Variants in MAMLD1 observed in about 807,000 individuals in gnomAD.
The protein encoded by MAMLD1 is mastermind like domain containing 1.
In MAMLD1, 14 loss-of-function variants were observed where a neutral mutation model predicts 45.0. That is an observed-to-expected ratio of 0.31 (90% CI 0.21 to 0.49). The LOEUF (loss-of-function observed/expected upper bound fraction) is 0.49, where lower values mean the gene tolerates loss of function less well. Ranked by LOEUF, MAMLD1 falls within the 20% of genes least tolerant of loss-of-function variation. MAMLD1 has a pLI of 0.99. For synonymous variants in MAMLD1, 254 were observed against 247.8 expected (o/e 1.02, Z -0.24); for missense variants, 543 against 603.6 (o/e 0.90, Z 1.05).
chrX:150,465,066 C>T (rs2036175327), intron 3 of MAMLD1, among the ~76,000 whole-genome samples: 1 of 112,010 alleles, frequency 8.9e-6, no homozygotes, highest in Non-Finnish European at 1.9e-5. Context: ...GTTTATCTTT[C>T]CTGGTTACCT....
intron 5 of MAMLD1, among the ~76,000 whole-genome samples, chrX:150,480,895 AG>A (rs1386105152): frequency 1.2e-4 from 14 of 112,546 alleles, no homozygotes; most frequent in Admixed American, 5.6e-4. Flanking sequence ...GGGAGCTTTC[AG>A]TTTGCAGCTA....
chrX:150,488,880 C>T (rs1476931207), intron 5 of MAMLD1, among the ~76,000 whole-genome samples: 3 of 113,000 alleles, frequency 2.7e-5, no homozygotes, highest in African/African-American at 9.6e-5. Context: ...ACCTTCTCTA[C>T]AGAAACGAGC....
At chrX:150,383,542 A>G (rs1003610962) in intron 1 of MAMLD1, among the ~76,000 whole-genome samples, 28 of 111,443 alleles carry the variant, frequency 2.5e-4, no homozygotes, top group Non-Finnish European at 4.2e-4. Flanking sequence ...TATATTAAAT[A>G]TCTAAGTATT....
intron 5 of MAMLD1, among the ~76,000 whole-genome samples, chrX:150,477,630 G>T (rs1048560272): frequency 8.9e-6 from 1 of 111,899 alleles, no homozygotes; most frequent in Admixed American, 9.4e-5. Flanking sequence ...CCTGACCGTG[G>T]GTAGGGGAGA....
At chrX:150,384,944 C>T (rs782097648) in intron 1 of MAMLD1, among the ~76,000 whole-genome samples, 1 of 110,970 alleles carries the variant, frequency 9.0e-6, no homozygotes, top group East Asian at 2.8e-4. Flanking sequence ...GGTGAGGACA[C>T]TTAAAATCTG....
At chrX:150,505,415 C>T (rs1207218844) in intron 6 of MAMLD1, among the ~76,000 whole-genome samples, 1 of 112,153 alleles carries the variant, frequency 8.9e-6, no homozygotes, top group Non-Finnish European at 1.9e-5. Flanking sequence ...TAGAGACACA[C>T]GGTGTTATCC....
intron 1 of MAMLD1, among the ~76,000 whole-genome samples, chrX:150,364,223 G>C (rs1023093816): frequency 1.8e-5 from 2 of 112,823 alleles, no homozygotes; most frequent in Non-Finnish European, 3.8e-5. Context: ...CTGGGCGCCC[G>C]GCGCCGGCTA....
At chrX:150,492,324 G>T (rs1254109355) in intron 5 of MAMLD1, among the ~76,000 whole-genome samples, 1 of 112,825 alleles carries the variant, frequency 8.9e-6, no homozygotes, top group Non-Finnish European at 1.9e-5. Context: ...TCTGCATGTT[G>T]AACTCAGAAA....
At chrX:150,374,172 T>C (rs782567161) in intron 1 of MAMLD1, among the ~76,000 whole-genome samples, 30 of 112,868 alleles carry the variant, frequency 2.7e-4, no homozygotes, top group Admixed American at 2.4e-3. Flanking sequence ...AATTGAAAAA[T>C]AACACGCAAT....
chrX:150,457,053 G>T (rs1417899957), intron 2 of MAMLD1, among the ~76,000 whole-genome samples: 3 of 112,938 alleles, frequency 2.7e-5, no homozygotes, highest in African/African-American at 6.4e-5. Flanking sequence ...ACCAAGCACT[G>T]TCCAGGTTGC....
intron 5 of MAMLD1, among the ~76,000 whole-genome samples, chrX:150,480,382 A>G (rs1557407108): frequency 8.9e-6 from 1 of 112,470 alleles, no homozygotes; most frequent in Non-Finnish European, 1.9e-5. Context: ...TATTTTGCCT[A>G]CAATGACAAA....
At chrX:150,396,149 ATTTTTTTT>A (rs151164752) in intron 1 of MAMLD1, among the ~76,000 whole-genome samples, 4 of 39,257 alleles carry the variant, frequency 1.0e-4, no homozygotes, top group Admixed American at 6.6e-4. Context: ...TACCTGGCTA[ATTTTTTTT>A]TTTTTTTTTT....
At position 150,512,531 on chromosome X, in the gene MAMLD1, C is replaced by T; in HGVS notation, c.*572C>T. 1 of 1,155,933 alleles carries T rather than the reference C, an allele frequency of 8.7e-7. No individual in the cohort carries two copies. Among genetic ancestry groups the T allele is most frequent in the Non-Finnish European group, 1.1e-6 (1 of 872,609 alleles). On this transcript the variant is annotated 3_prime_UTR_variant, in exon 8 of 8. Transcript: ENST00000370401. ...TTCTGGCCAGGCCTGCCTTCAGAGG[C>T]CATCTGATTGGGAGGCACAAGTGCC...
chrX:150,467,631 C>T (rs2036264334), intron 3 of MAMLD1, among the ~76,000 whole-genome samples: 1 of 112,663 alleles, frequency 8.9e-6, no homozygotes, highest in African/African-American at 3.2e-5. Context: ...TGTGCAAGTC[C>T]TCTCACTCAA....
intron 1 of MAMLD1, 131 bp from the exon 2 acceptor site, chrX:150,445,323 G>A: frequency 2.2e-6 from 1 of 446,287 alleles, no homozygotes; most frequent in Non-Finnish European, 4.0e-6. Flanking sequence ...TGAGGGTGGT[G>A]GGTGGGAGGA....
In MAMLD1 at chrX:150,394,652, C is replaced by T. The variant is rs192765665; in HGVS notation, c.-64+31122C>T. 5.2e-3 allele frequency among the ~76,000 whole-genome samples: 574 copies of T among 110,700 alleles called. 2 individuals carry two copies. Among genetic ancestry groups the T allele is most frequent in the African/African-American group, 0.018 (553 of 30,489 alleles). On this transcript the variant is annotated intron_variant, in intron 1 of 7. Transcript: ENST00000370401. ...TTGTTTTCCTTATATAGATCTTGTG[C>T]GTATTTTCTTAGATTTATATGTAAG...
intron 1 of MAMLD1, among the ~76,000 whole-genome samples, chrX:150,432,941 C>T (rs1367790116): frequency 2.7e-5 from 3 of 110,819 alleles, no homozygotes; most frequent in Admixed American, 9.6e-5. Context: ...TTTTCTAATT[C>T]TCTGAAGAAT....
chrX:150,379,191 C>A (rs1286257709), intron 1 of MAMLD1, among the ~76,000 whole-genome samples: 2 of 111,739 alleles, frequency 1.8e-5, no homozygotes, highest in African/African-American at 6.5e-5. Context: ...TCCAATACAA[C>A]AGCAAAGTTC....
chrX:150,491,958 A>AGTTGAGATT (rs782296762), intron 5 of MAMLD1, among the ~76,000 whole-genome samples: 2 of 112,125 alleles, frequency 1.8e-5, no homozygotes, highest in South Asian at 7.5e-4. Flanking sequence ...GAGCCTTCCC[A>AGTTGAGATT]GTTGAGATTA....
Sources: gnomAD v4.1 joint callset for allele counts (sites outside exome capture counted in the v4.1 genomes callset) on GRCh38, gnomAD v4.1.1 for gene constraint, MANE v1.5 for transcripts, NCBI Gene and HGNC (gene_info 2026-07-23, HGNC 2026-07-21) for gene names.